Variants in MAPKAP1 observed in about 807,000 individuals in gnomAD.
MAPKAP1 encodes the protein target of rapamycin complex 2 subunit MAPKAP1.
A neutral mutation model predicts 65.7 loss-of-function variants in MAPKAP1; 20 were observed. That is an observed-to-expected ratio of 0.30 (90% CI 0.21 to 0.44). The LOEUF (loss-of-function observed/expected upper bound fraction) is 0.44. Ranked by LOEUF, MAPKAP1 falls within the 20% of genes least tolerant of loss-of-function variation. The pLI, the probability that MAPKAP1 is intolerant of heterozygous loss-of-function variation, is 1.00. For synonymous variants in MAPKAP1, 222 were observed against 244.3 expected (o/e 0.91, Z 0.85); for missense variants, 423 against 648.0 (o/e 0.65, Z 3.77).
intron 1 of MAPKAP1, among the ~76,000 whole-genome samples, chr9:125,680,114 A>G (rs1333732430): frequency 6.7e-6 from 1 of 148,886 alleles, no homozygotes; most frequent in East Asian, 2.0e-4. Context: ...TAACCTTTCC[A>G]CACTGTACCC....
intron 4 of MAPKAP1, among the ~76,000 whole-genome samples, chr9:125,635,414 C>T (rs1480937856): frequency 6.6e-6 from 1 of 152,204 alleles, no homozygotes; most frequent in Non-Finnish European, 1.5e-5. Context: ...CCAGCTGCTG[C>T]TCAATTAAAA....
intron 4 of MAPKAP1, among the ~76,000 whole-genome samples, chr9:125,598,003 C>A (rs1832189063): frequency 6.6e-6 from 1 of 150,676 alleles, no homozygotes; most frequent in East Asian, 2.0e-4. Context: ...TAATCTCAAA[C>A]AAAATCTGGC....
chr9:125,472,414 C>A (rs928765077), intron 9 of MAPKAP1, among the ~76,000 whole-genome samples: 3 of 152,186 alleles, frequency 2.0e-5, no homozygotes, highest in African/African-American at 7.2e-5. Context: ...TTCACAAATG[C>A]CAATAAATGC....
At chr9:125,675,963 A>G (rs1312013895) in intron 1 of MAPKAP1, among the ~76,000 whole-genome samples, 1 of 152,206 alleles carries the variant, frequency 6.6e-6, no homozygotes, top group Non-Finnish European at 1.5e-5. Flanking sequence ...AAAACCCAAA[A>G]GAATATTTTA....
chr9:125,577,538 C>T (rs1356731635), intron 5 of MAPKAP1, among the ~76,000 whole-genome samples: 16 of 143,910 alleles, frequency 1.1e-4, no homozygotes, highest in African/African-American at 2.1e-4. Flanking sequence ...TCTGCCTGGC[C>T]GGCCGCCCCG....
chr9:125,681,030 C>T (rs1834807525), intron 1 of MAPKAP1, among the ~76,000 whole-genome samples: 1 of 152,184 alleles, frequency 6.6e-6, no homozygotes, highest in South Asian at 2.1e-4. Flanking sequence ...TTAATCCTTA[C>T]AGCCACTTCA....
intron 4 of MAPKAP1, among the ~76,000 whole-genome samples, chr9:125,588,070 T>C (rs1361492364): frequency 1.3e-5 from 2 of 152,200 alleles, no homozygotes; most frequent in Admixed American, 6.5e-5. Context: ...CCTAGGTATA[T>C]ACTCTAGAGA....
chr9:125,491,622 C>CA (rs910587782), intron 8 of MAPKAP1, among the ~76,000 whole-genome samples: 22 of 148,136 alleles, frequency 1.5e-4, no homozygotes, highest in African/African-American at 3.5e-4. Flanking sequence ...ACAAAAAATA[C>CA]AAAAAAAAAG....
At chr9:125,493,902 C>T (rs1219583738) in intron 8 of MAPKAP1, among the ~76,000 whole-genome samples, 3 of 152,166 alleles carry the variant, frequency 2.0e-5, no homozygotes, top group Non-Finnish European at 4.4e-5. Context: ...GAACTGAACC[C>T]AGGTCTAATT....
At chr9:125,522,958 T>A (rs965556789) in intron 7 of MAPKAP1, among the ~76,000 whole-genome samples, 1 of 152,156 alleles carries the variant, frequency 6.6e-6, no homozygotes, top group African/African-American at 2.4e-5. Context: ...TCCTTTTTGA[T>A]TATCCCCTAA....
intron 7 of MAPKAP1, among the ~76,000 whole-genome samples, chr9:125,542,407 A>C (rs1330644004): frequency 6.6e-6 from 1 of 152,186 alleles, no homozygotes; most frequent in Non-Finnish European, 1.5e-5. Flanking sequence ...ATATGAGTTG[A>C]TTTATATTAA....
intron 8 of MAPKAP1, among the ~76,000 whole-genome samples, chr9:125,502,218 C>T (rs2133074334): frequency 6.6e-6 from 1 of 152,144 alleles, no homozygotes; most frequent in African/African-American, 2.4e-5. Context: ...CCCCCTGCCT[C>T]AGCCCCCCTA....
rs1853966601 is a variant in MAPKAP1 at position 125,472,721 on chromosome 9, C to T, written c.1208-4612G>A. 2.0e-5 allele frequency among the ~76,000 whole-genome samples: 3 copies of T among 152,240 alleles called. No individual in the cohort carries two copies. The South Asian group carries it at 6.2e-4, about 32-fold the overall frequency. ...CCAACAATGATGAAATACAAGATAACCACGAAAAGTTTTGACTAGAAAAAT... is the reference window on the plus strand; with the variant it reads ...CCAACAATGATGAAATACAAGATAATCACGAAAAGTTTTGACTAGAAAAAT... On this transcript the variant is annotated intron_variant, in intron 9 of 11. Coordinates refer to ENST00000265960, the MANE Select transcript of MAPKAP1 (RefSeq NM_001006617.3).
chr9:125,576,239 A>G (rs966637353), intron 5 of MAPKAP1, among the ~76,000 whole-genome samples: 14 of 152,348 alleles, frequency 9.2e-5, no homozygotes, highest in South Asian at 8.3e-4. Context: ...TGTATGATAC[A>G]ACCATTAGAG....
At chr9:125,558,210 A>G (rs2133207511) in intron 6 of MAPKAP1, among the ~76,000 whole-genome samples, 1 of 152,372 alleles carries the variant, frequency 6.6e-6, no homozygotes, top group East Asian at 1.9e-4. Flanking sequence ...TATGTGTGCT[A>G]CAAGTGAAAC....
intron 4 of MAPKAP1, among the ~76,000 whole-genome samples, chr9:125,624,323 C>A (rs1211566028): frequency 4.2e-5 from 1 of 23,930 alleles, no homozygotes. Context: ...CCGCCCCGTC[C>A]GGGAAGGAGG....
intron 1 of MAPKAP1, among the ~76,000 whole-genome samples, chr9:125,698,540 C>T (rs866552402): frequency 5.4e-4 from 81 of 151,394 alleles, no homozygotes; most frequent in Middle Eastern, 3.4e-3. Flanking sequence ...CAGGGTTTCG[C>T]CATGTTGGCC....
In MAPKAP1 at chr9:125,624,614, G is replaced by T. The variant is rs1469306926; in HGVS notation, c.498+33037C>A. Among the ~76,000 whole-genome samples, 2 of 70,562 alleles carry T rather than the reference G, an allele frequency of 2.8e-5. 1 individual carries two copies. Among genetic ancestry groups the T allele is most frequent in the Admixed American group, 2.8e-4 (2 of 7,178 alleles). The allele number at this position is 70,562 out of a possible 152,430, so 46.3% of individuals were successfully genotyped here. On this transcript the variant is annotated intron_variant, in intron 4 of 11. Coordinates refer to ENST00000265960, the MANE Select transcript of MAPKAP1 (RefSeq NM_001006617.3). The stretch of plus-strand genomic sequence containing the variant: ...CCGCCCCGTCCGGGAGGGAGGTGGG[G>T]GGGGGGGTCAGCCCCCCTGCCCGGC...
At chr9:125,648,462 C>G (rs1168563362) in intron 4 of MAPKAP1, among the ~76,000 whole-genome samples, 1 of 152,196 alleles carries the variant, frequency 6.6e-6, no homozygotes. Context: ...AAGCCACATT[C>G]CTGATTCTAA....
Sources: gnomAD v4.1 joint callset for allele counts (sites outside exome capture counted in the v4.1 genomes callset) on GRCh38, gnomAD v4.1.1 for gene constraint, MANE v1.5 for transcripts, NCBI Gene and HGNC (gene_info 2026-07-23, HGNC 2026-07-21) for gene names.